NCOR1: variants seen among roughly 807,000 people sequenced by gnomAD.
NCOR1 encodes nuclear receptor corepressor 1, also known as protein phosphatase 1, regulatory subunit 109.
Under a neutral mutation model 288.1 loss-of-function variants are expected in NCOR1, and 63 were observed. That is an observed-to-expected ratio of 0.22 (90% CI 0.18 to 0.27). NCOR1 has a LOEUF of 0.27. NCOR1 is among the 10% of genes least tolerant of loss of function. NCOR1 has a pLI of 1.00. For synonymous variants in NCOR1, 1,007 were observed against 1,065.9 expected (o/e 0.94, Z 1.08); for missense variants, 2,397 against 3,019.2 (o/e 0.79, Z 4.83).
intron 42 of NCOR1, among the ~76,000 whole-genome samples, chr17:16,045,885 C>T (rs1218139028): frequency 6.6e-6 from 1 of 152,000 alleles, no homozygotes; most frequent in Non-Finnish European, 1.5e-5. Flanking sequence ...GATCGTAGCT[C>T]ACTGTAGCCT....
intron 22 of NCOR1, 99 bp from the exon 23 acceptor site, chr17:16,086,541 A>T (rs2064257880): frequency 3.7e-6 from 4 of 1,075,258 alleles, no homozygotes; most frequent in Middle Eastern, 2.6e-4. Flanking sequence ...ATCACTAATT[A>T]AAAAATGTAA....
chr17:16,094,634 G>C (rs1260593016), intron 21 of NCOR1, among the ~76,000 whole-genome samples: 1 of 151,912 alleles, frequency 6.6e-6, no homozygotes, highest in Non-Finnish European at 1.5e-5. Context: ...GGACTGTGCC[G>C]CTGCCATCTC....
At chr17:16,146,686 GCA>G in intron 9 of NCOR1, 138 bp from the exon 10 acceptor site, 1 of 705,996 alleles carries the variant, frequency 1.4e-6, no homozygotes, top group Non-Finnish European at 2.2e-6. Flanking sequence ...TGAACGAAAA[GCA>G]CAAAGAGGAG....
At chr17:16,111,666 G>A (rs2070230914) in intron 18 of NCOR1, among the ~76,000 whole-genome samples, 1 of 150,720 alleles carries the variant, frequency 6.6e-6, no homozygotes, top group African/African-American at 2.4e-5. Context: ...CAGGAAAACT[G>A]CCTTTGGGGT....
intron 23 of NCOR1, among the ~76,000 whole-genome samples, chr17:16,085,282 C>T (rs545196852): frequency 1.3e-5 from 2 of 152,288 alleles, no homozygotes; most frequent in South Asian, 2.1e-4. Context: ...GCAAATGGAG[C>T]AATCACGTCT....
chr17:16,044,726 G>T, intron 42 of NCOR1: 1 of 738,142 alleles, frequency 1.4e-6, no homozygotes. Flanking sequence ...TAAAGCAGCT[G>T]GTGTAAATGT....
At chr17:16,139,431 C>T (rs1455923644) in intron 11 of NCOR1, among the ~76,000 whole-genome samples, 1 of 152,100 alleles carries the variant, frequency 6.6e-6, no homozygotes, top group African/African-American at 2.4e-5. Context: ...GAGAAGAATT[C>T]TTTTCTTAAA....
intron 45 of NCOR1, among the ~76,000 whole-genome samples, chr17:16,034,113 G>A (rs989806465): frequency 3.3e-5 from 5 of 152,052 alleles, no homozygotes; most frequent in Non-Finnish European, 7.4e-5. Flanking sequence ...AAGTGGCATG[G>A]GTACATTCAG....
intron 26 of NCOR1, among the ~76,000 whole-genome samples, chr17:16,079,323 A>T (rs537555908): frequency 6.6e-6 from 1 of 152,362 alleles, no homozygotes; most frequent in East Asian, 1.9e-4. Flanking sequence ...ACAATGAGTG[A>T]ACACTTTAGA....
chr17:16,095,673 G>T (rs1180491261), intron 21 of NCOR1, among the ~76,000 whole-genome samples: 1 of 24,990 alleles, frequency 4.0e-5, no homozygotes, highest in African/African-American at 2.0e-4. Context: ...GTGGGGGGGG[G>T]GGTCAGCCGC....
intron 42 of NCOR1, chr17:16,044,905 A>G (rs750674719): frequency 2.4e-4 from 167 of 704,610 alleles, no homozygotes; most frequent in Non-Finnish European, 6.3e-5. Flanking sequence ...GTGGAAGCAA[A>G]CAAAGAAGAA....
intron 31 of NCOR1, among the ~76,000 whole-genome samples, chr17:16,069,858 A>G (rs1343932026): frequency 6.6e-6 from 1 of 152,204 alleles, no homozygotes; most frequent in East Asian, 1.9e-4. Context: ...CCGCTGAAGG[A>G]ACAATGTCAA....
rs544221636 is a variant in NCOR1, at chr17:16,091,522, T to C, written c.3016+341A>G. On this transcript the variant is annotated intron_variant, in intron 22 of 45. Coordinates refer to ENST00000268712, the MANE Select transcript of NCOR1 (RefSeq NM_006311.4). ...AATATTACACTGTAATACTTGAAGG[T>C]GATTTGCTTCAAGGACAGGACAACA... 1.7e-5 allele frequency: 18 copies of C among 1,067,864 alleles called. No homozygotes were observed. In the East Asian group the frequency reaches 1.0e-3, roughly 59 times the overall value. 66.1% of individuals were successfully genotyped at this position (1,067,864 alleles called of 1,614,324 possible).
chr17:16,049,244 C>G (rs2059026810), intron 40 of NCOR1: 1 of 256,244 alleles, frequency 3.9e-6, no homozygotes. Flanking sequence ...TCAGACAGTG[C>G]TGCCCGGGCA....
intron 40 of NCOR1, among the ~76,000 whole-genome samples, chr17:16,052,596 T>C (rs2059447591): frequency 6.6e-6 from 1 of 152,038 alleles, no homozygotes; most frequent in Non-Finnish European, 1.5e-5. Flanking sequence ...GCTCTGAAAT[T>C]GAGTCAGTAA....
intron 44 of NCOR1, among the ~76,000 whole-genome samples, chr17:16,038,806 C>G (rs974446985): frequency 5.3e-5 from 8 of 151,764 alleles, no homozygotes; most frequent in African/African-American, 1.9e-4. Flanking sequence ...GAGTCTCACT[C>G]TGTTTCCAGG....
intron 31 of NCOR1, chr17:16,068,539 A>T (rs1598145996): frequency 5.6e-6 from 1 of 177,864 alleles, no homozygotes; most frequent in Admixed American, 5.8e-5. Context: ...CCCATTAATC[A>T]CTAGTTTCAC....
chr17:16,157,003 C>T (rs1448850941), intron 6 of NCOR1, among the ~76,000 whole-genome samples: 1 of 151,570 alleles, frequency 6.6e-6, no homozygotes, highest in Non-Finnish European at 1.5e-5. Context: ...AAAAAAAAAA[C>T]TATCAAATCT....
chr17:16,050,219 CCCT>C (rs1481763176), intron 40 of NCOR1, among the ~76,000 whole-genome samples: 1 of 151,592 alleles, frequency 6.6e-6, no homozygotes, highest in African/African-American at 2.4e-5. Flanking sequence ...CCCCACCACA[CCCT>C]CAATTTTTTT....
Sources: gnomAD v4.1 joint callset for allele counts (sites outside exome capture counted in the v4.1 genomes callset) on GRCh38, gnomAD v4.1.1 for gene constraint, MANE v1.5 for transcripts, NCBI Gene and HGNC (gene_info 2026-07-23, HGNC 2026-07-21) for gene names.